L3MBTL4: variants seen among roughly 807,000 people sequenced by gnomAD.
L3MBTL4 encodes L3MBTL histone methyl-lysine binding protein 4, also known as lethal(3)malignant brain tumor-like protein 4.
A neutral mutation model predicts 84.5 loss-of-function variants in L3MBTL4; 70 were observed. That is an observed-to-expected ratio of 0.83 (90% CI 0.68 to 1.01). The LOEUF (loss-of-function observed/expected upper bound fraction) is 1.01. L3MBTL4 is among the 50% of genes least tolerant of loss of function. The pLI is 0.00. For missense variants in L3MBTL4, 715 were observed against 754.8 expected, an observed-to-expected ratio of 0.95 and a Z score of 0.62; for synonymous variants, 274 against 259.8, an observed-to-expected ratio of 1.05 and a Z score of -0.52.
At chr18:5,970,937 T>G (rs2052611321) in intron 16 of L3MBTL4, among the ~76,000 whole-genome samples, 2 of 152,194 alleles carry the variant, frequency 1.3e-5, no homozygotes, top group Non-Finnish European at 2.9e-5. Context: ...GGAACAGACA[T>G]CCTCATATTT....
At chr18:6,011,653 A>G (rs902507902) in intron 16 of L3MBTL4, among the ~76,000 whole-genome samples, 1 of 152,204 alleles carries the variant, frequency 6.6e-6, no homozygotes, top group Non-Finnish European at 1.5e-5. Context: ...GCAGCGACAT[A>G]TCATACCCTT....
intron 16 of L3MBTL4, among the ~76,000 whole-genome samples, chr18:6,002,386 A>G (rs1177289233): frequency 2.6e-5 from 4 of 152,190 alleles, no homozygotes; most frequent in Non-Finnish European, 5.9e-5. Flanking sequence ...AAAAATACAT[A>G]GACAAATATT....
intron 1 of L3MBTL4, chr18:6,374,379 T>C (rs943726567): frequency 1.3e-5 from 2 of 154,838 alleles, no homozygotes; most frequent in African/African-American, 4.8e-5. Context: ...TAAAACATTT[T>C]ATCAAGAGAG....
intron 1 of L3MBTL4, among the ~76,000 whole-genome samples, chr18:6,410,387 C>T (rs1025704221): frequency 1.3e-5 from 2 of 152,248 alleles, no homozygotes. Context: ...TAGTTGCTAT[C>T]TGTCCCTCAC....
intron 5 of L3MBTL4, among the ~76,000 whole-genome samples, chr18:6,250,312 G>A (rs1010188538): frequency 1.4e-4 from 21 of 152,206 alleles, no homozygotes; most frequent in Admixed American, 5.9e-4. Flanking sequence ...ACAAAACACC[G>A]TCACCATGCC....
intron 10 of L3MBTL4, among the ~76,000 whole-genome samples, chr18:6,221,716 C>T (rs1382919855): frequency 2.0e-5 from 3 of 152,158 alleles, no homozygotes; most frequent in East Asian, 1.9e-4. Flanking sequence ...AGTACCAGTG[C>T]GGCCCTGGCT....
At chr18:6,369,183 A>T (rs1046080907) in intron 1 of L3MBTL4, among the ~76,000 whole-genome samples, 6 of 152,302 alleles carry the variant, frequency 3.9e-5, no homozygotes, top group Middle Eastern at 6.8e-3. Context: ...TGTGTCCCCC[A>T]CATACGGTTT....
chr18:6,174,827 C>T (rs1019859971), intron 12 of L3MBTL4, among the ~76,000 whole-genome samples: 30 of 145,538 alleles, frequency 2.1e-4, no homozygotes, highest in African/African-American at 7.7e-4. Context: ...GAAATTGCGG[C>T]ACTGCACTCA....
rs540219083 is a variant in L3MBTL4, at chr18:6,075,885, A to T, written c.1444+4996T>A. On this transcript the variant is annotated intron_variant, in intron 16 of 18. Transcript: ENST00000317931. ...TATTCAAATAGCCAATAAACATGAA[A>T]ATATGTTCAAGCTCATTAGGCCTCA... 5.3e-5 allele frequency among the ~76,000 whole-genome samples: 8 copies of T among 152,332 alleles called. No individual in the cohort carries two copies. In the East Asian group the frequency reaches 1.3e-3, roughly 26 times the overall value.
At chr18:6,072,734 T>C (rs2057705716) in intron 16 of L3MBTL4, among the ~76,000 whole-genome samples, 1 of 148,436 alleles carries the variant, frequency 6.7e-6, no homozygotes, top group Non-Finnish European at 1.5e-5. Flanking sequence ...CGGGCCCCTG[T>C]AGTCCCAGCT....
At chr18:6,040,642 CTCTTT>C (rs1309696954) in intron 16 of L3MBTL4, among the ~76,000 whole-genome samples, 1 of 152,222 alleles carries the variant, frequency 6.6e-6, no homozygotes, top group African/African-American at 2.4e-5. Context: ...TTACTCACAT[CTCTTT>C]TGAGACAAGG....
chr18:6,029,631 C>T (rs1284907274), intron 16 of L3MBTL4: 6 of 985,102 alleles, frequency 6.1e-6, no homozygotes, highest in Non-Finnish European at 6.0e-6. Context: ...TAAAGGAAAA[C>T]TTAAAATGCA....
At chr18:6,114,033 C>T (rs1265098681) in intron 14 of L3MBTL4, among the ~76,000 whole-genome samples, 1 of 152,332 alleles carries the variant, frequency 6.6e-6, no homozygotes, top group East Asian at 1.9e-4. Flanking sequence ...ATGCCAAGAA[C>T]TGTTGTAGGC....
intron 14 of L3MBTL4, among the ~76,000 whole-genome samples, chr18:6,099,634 T>A (rs1477426601): frequency 1.2e-5 from 1 of 80,596 alleles, no homozygotes; most frequent in Non-Finnish European, 3.1e-5. Flanking sequence ...GATTTTCAGG[T>A]CTCAAGGTCA....
intron 16 of L3MBTL4, among the ~76,000 whole-genome samples, chr18:6,053,497 C>A (rs2056907094): frequency 6.6e-6 from 1 of 152,208 alleles, no homozygotes; most frequent in Non-Finnish European, 1.5e-5. Context: ...GCCAACACCA[C>A]AACCTTCACA....
rs1413175368 is a variant in L3MBTL4, at chr18:6,322,477, GGAAGGAAGGAAGGAAGGAAGGAAGGAAA to G, written c.-90-10449_-90-10422del. On this transcript the variant is annotated intron_variant, in intron 1 of 18. Coordinates refer to ENST00000317931, the MANE Select transcript of L3MBTL4 (RefSeq NM_001330559.2). ...AGGATGGAAGGAAGGAAGGAAGGAA[GGAAGGAAGGAAGGAAGGAAGGAAGGAAA>G]GAAGGAAAAAAAAAACAAACAAACA... Among the ~76,000 whole-genome samples, 1,088 of 144,086 alleles carry G rather than the reference GGAAGGAAGGAAGGAAGGAAGGAAGGAAA, an allele frequency of 7.6e-3. 15 individuals are homozygous for G. Among genetic ancestry groups the G allele is most frequent in the African/African-American group, 0.027 (1,053 of 38,634 alleles). The allele number at this position is 144,086 out of a possible 152,430, so 94.5% of individuals were successfully genotyped here.
intron 16 of L3MBTL4, among the ~76,000 whole-genome samples, chr18:6,000,530 A>G (rs1033346670): frequency 2.0e-5 from 3 of 152,252 alleles, no homozygotes; most frequent in African/African-American, 7.2e-5. Context: ...TTTAAATTTA[A>G]AAAGAACTTA....
chr18:6,194,181 T>C (rs1175279888), intron 12 of L3MBTL4, among the ~76,000 whole-genome samples: 2 of 152,230 alleles, frequency 1.3e-5, no homozygotes, highest in East Asian at 3.9e-4. Flanking sequence ...CACCGTACAG[T>C]GATCAGCTTC....
chr18:6,395,459 A>G (rs1194098130), intron 1 of L3MBTL4: 2 of 152,330 alleles, frequency 1.3e-5, no homozygotes, highest in Non-Finnish European at 2.9e-5. Context: ...AAGGGGGGGA[A>G]CAAGAGGAAG....
Sources: gnomAD v4.1 joint callset for allele counts (sites outside exome capture counted in the v4.1 genomes callset) on GRCh38, gnomAD v4.1.1 for gene constraint, MANE v1.5 for transcripts, NCBI Gene and HGNC (gene_info 2026-07-23, HGNC 2026-07-21) for gene names.